The following EMSY variants were observed in gnomAD, a reference collection of about 807,000 sequenced individuals.
The protein encoded by EMSY is EMSY transcriptional repressor, BRCA2 interacting.
EMSY carries 26 observed loss-of-function variants against 134.6 expected under a neutral mutation model. That is an observed-to-expected ratio of 0.19 (90% CI 0.14 to 0.27). The LOEUF (loss-of-function observed/expected upper bound fraction) is 0.27. EMSY is among the 10% of genes least tolerant of loss of function. EMSY has a pLI of 1.00. For missense variants in EMSY, 1,305 were observed against 1,611.4 expected (o/e 0.81, Z 3.26); for synonymous variants, 579 against 577.8 (o/e 1.00, Z -0.03).
intron 14 of EMSY, 82 bp from the exon 16 acceptor site, chr11:76,535,812 CA>C: frequency 9.0e-7 from 1 of 1,113,368 alleles, no homozygotes; most frequent in Non-Finnish European, 1.2e-6. Flanking sequence ...GATAAGCAAA[CA>C]GACAAAAAAA....
chr11:76,458,596 G>A, intron 5 of EMSY: 2 of 359,842 alleles, frequency 5.6e-6, no homozygotes, highest in Non-Finnish European at 4.9e-6. Context: ...AAAAACCTCG[G>A]AATAGATTTT....
Position 76,544,367 on chromosome 11 carries a change from C to T in EMSY, c.2818C>T (p.Arg940Ter), listed in dbSNP as rs1248451280. The T allele has an allele frequency of 2.5e-6, 4 of 1,613,986 alleles. No individual in the cohort carries two copies. Among genetic ancestry groups the T allele is most frequent in the South Asian group, 1.1e-5 (1 of 91,070 alleles). The change falls in exon 19 of 21, where the codon CGA becomes TGA. Residue 940 changes from arginine (R) to a stop codon, truncating the protein, a stop_gained. Coordinates refer to ENST00000334736, the Ensembl canonical transcript of EMSY. LOFTEE classifies it high-confidence loss of function. Reference sequence around the variant, plus strand: ...AGACCCTCAGACAGGTCTGTTTTACCGATCTGCCCTGACTCAGTCACAGTC... The same window carrying T: ...AGACCCTCAGACAGGTCTGTTTTACTGATCTGCCCTGACTCAGTCACAGTC...
chr11:76,491,815 C>G (rs1175013601), intron 8 of EMSY, among the ~76,000 whole-genome samples: 1 of 152,226 alleles, frequency 6.6e-6, no homozygotes. Flanking sequence ...AGAGTGAACT[C>G]TGTCACCTCA....
chr11:76,522,352 C>CTTTTTTTTTTTTT lies in EMSY; in HGVS notation c.1685-785_1685-773dup, dbSNP rs71040003. The stretch of plus-strand genomic sequence containing the variant: ...CTTGTTTTGTATATCGTTTACTTTG[C>CTTTTTTTTTTTTT]TTTTTTTTTTTTTTTTTTTTTTTTT... On this transcript the variant is annotated intron_variant, in intron 11 of 20. Transcript: ENST00000334736. Among the ~76,000 whole-genome samples, 12 of 44,246 alleles carry CTTTTTTTTTTTTT rather than the reference C, an allele frequency of 2.7e-4. 1 individual carries two copies. Among genetic ancestry groups the CTTTTTTTTTTTTT allele is most frequent in the Admixed American group, 1.3e-3 (3 of 2,308 alleles). The allele number at this position is 44,246 out of a possible 152,430, so 29.0% of individuals were successfully genotyped here.
intron 10 of EMSY, among the ~76,000 whole-genome samples, chr11:76,515,861 A>G (rs1333906157): frequency 6.6e-6 from 1 of 152,230 alleles, no homozygotes; most frequent in Non-Finnish European, 1.5e-5. Flanking sequence ...GGGTAGTGGA[A>G]GAAGGGAACA....
chr11:76,504,361 T>C (rs1390963784), intron 9 of EMSY, among the ~76,000 whole-genome samples: 1 of 151,292 alleles, frequency 6.6e-6, no homozygotes, highest in Non-Finnish European at 1.5e-5. Flanking sequence ...AATTTTAAAA[T>C]GGGTAAAAGA....
intron 17 of EMSY, among the ~76,000 whole-genome samples, chr11:76,540,700 A>C (rs1052714736): frequency 1.3e-5 from 2 of 152,062 alleles, no homozygotes; most frequent in Non-Finnish European, 2.9e-5. Flanking sequence ...CATAGTGATC[A>C]TCTTACTCTT....
At position 76,496,491 on chromosome 11, in the gene EMSY, G is replaced by A. The variant is rs749830167; in HGVS notation, c.1363+22G>A. ...TCAGGTAACTGGAAAATGTTTATAA[G>A]ATATGGTAATTCTTCTTTATTCACC... On this transcript the variant is annotated intron_variant, in intron 9 of 20. Coordinates refer to ENST00000334736, the Ensembl canonical transcript of EMSY. 3.7e-6 allele frequency: 6 copies of A among 1,611,946 alleles called. No individual in the cohort carries two copies. In the African/African-American group the frequency reaches 5.3e-5, roughly 14 times the overall value.
At chr11:76,450,073 T>C (rs79094012) in intron 2 of EMSY, among the ~76,000 whole-genome samples, 3 of 121,006 alleles carry the variant, frequency 2.5e-5, no homozygotes, top group South Asian at 2.6e-4. Context: ...TTTTTTTTTT[T>C]CCCTGCCTGC....
At chr11:76,467,219 T>C (rs963946900) in intron 7 of EMSY, among the ~76,000 whole-genome samples, 6 of 152,256 alleles carry the variant, frequency 3.9e-5, no homozygotes, top group African/African-American at 1.4e-4. Flanking sequence ...CTATATTAGG[T>C]GGCATCAGTC....
At chr11:76,549,473 C>A (rs1221837418) in intron 20 of EMSY, among the ~76,000 whole-genome samples, 1 of 150,722 alleles carries the variant, frequency 6.6e-6, no homozygotes, top group Non-Finnish European at 1.5e-5. Context: ...ACTCGTCTTG[C>A]AGATAATAAA....
At chr11:76,486,718 T>C (rs1193429852) in intron 8 of EMSY, among the ~76,000 whole-genome samples, 1 of 152,164 alleles carries the variant, frequency 6.6e-6, no homozygotes, top group Non-Finnish European at 1.5e-5. Context: ...AGTGGATATT[T>C]AAGAAGTTTT....
At chr11:76,517,632 C>A (rs1401321039) in intron 11 of EMSY, among the ~76,000 whole-genome samples, 1 of 152,018 alleles carries the variant, frequency 6.6e-6, no homozygotes, top group African/African-American at 2.4e-5. Flanking sequence ...TGCTTTGTAC[C>A]TGGTTAGAGC....
At chr11:76,528,548 T>G (rs1055839712) in intron 14 of EMSY, 82 bp downstream of exon 15, 35 of 973,466 alleles carry the variant, frequency 3.6e-5, no homozygotes, top group Middle Eastern at 2.6e-4. Flanking sequence ...CTTCTACACA[T>G]TTCACAACAA....
intron 7 of EMSY, among the ~76,000 whole-genome samples, chr11:76,465,642 G>C: frequency 7.1e-6 from 1 of 141,634 alleles, no homozygotes; most frequent in Admixed American, 7.1e-5. Context: ...TAGAAGCATT[G>C]TATTCTCTTA....
intron 8 of EMSY, among the ~76,000 whole-genome samples, chr11:76,480,595 A>G (rs536568711): frequency 6.6e-6 from 1 of 152,338 alleles, no homozygotes; most frequent in Non-Finnish European, 1.5e-5. Context: ...AAGAGTTAAT[A>G]TAAAAATGCT....
intron 20 of EMSY, chr11:76,547,013 T>C: frequency 2.3e-6 from 1 of 443,760 alleles, no homozygotes. Context: ...AATCATCTCT[T>C]GTCATGCATA....
At chr11:76,546,111 G>T in exon 20 of EMSY, 1 of 1,614,174 alleles carries the variant, frequency 6.2e-7, no homozygotes, top group Non-Finnish European at 8.5e-7. Context: ...TGGTGGCAGG[G>T]ATGGCGAATT....
At chr11:76,446,319 G>GTGTATATATATATGTGTATATATA (rs1176761237) in intron 1 of EMSY, among the ~76,000 whole-genome samples, 4 of 114,324 alleles carry the variant, frequency 3.5e-5, no homozygotes, top group Non-Finnish European at 5.2e-5. Flanking sequence ...ATATGTGTGT[G>GTGTATATATATATGTGTATATATA]TGTGTATATA....
Sources: allele counts gnomAD v4.1 joint callset (sites outside exome capture counted in the v4.1 genomes callset), GRCh38; gene constraint gnomAD v4.1.1; transcripts MANE v1.5; gene names NCBI Gene and HGNC (gene_info 2026-07-23, HGNC 2026-07-21).